CEP63: variants seen among roughly 807,000 people sequenced by gnomAD.
CEP63 encodes centrosomal protein 63.
A neutral mutation model predicts 89.1 loss-of-function variants in CEP63; 84 were observed. The observed-to-expected ratio is 0.94, with a 90% CI of 0.79 to 1.13. The LOEUF is 1.13. Among genes scored for constraint, CEP63 ranks in the 50% most tolerant of loss-of-function variants. The pLI is 0.00. For missense variants in CEP63, 838 were observed against 813.3 expected (o/e 1.03, Z -0.37); for synonymous variants, 267 against 272.5 (o/e 0.98, Z 0.20).
At chr3:134,729,076 G>A in the CEP63 span, among the ~76,000 whole-genome samples, 3 of 151,864 alleles carry the variant, frequency 2.0e-5, no homozygotes, top group East Asian at 1.9e-4. Flanking sequence ...TTTTGTGGTA[G>A]GGTTTATTTT....
chr3:134,650,075 T>C, the CEP63 span, among the ~76,000 whole-genome samples: 8 of 152,342 alleles, frequency 5.3e-5, no homozygotes, highest in Admixed American at 1.3e-4. Flanking sequence ...ATCATCCCTC[T>C]GTACTCCATT....
At chr3:134,648,850 A>G in the CEP63 span, among the ~76,000 whole-genome samples, 4 of 152,208 alleles carry the variant, frequency 2.6e-5, no homozygotes, top group African/African-American at 9.6e-5. Flanking sequence ...CCTCTTTTAT[A>G]TAACCAAGGA....
chr3:134,675,530 AT>A, the CEP63 span, among the ~76,000 whole-genome samples: 2 of 152,212 alleles, frequency 1.3e-5, no homozygotes, highest in African/African-American at 2.4e-5. Context: ...AAATAAATGA[AT>A]TGGACTTTCT....
chr3:134,545,327 C>T (rs1460965098), intron 6 of CEP63, among the ~76,000 whole-genome samples: 6 of 151,912 alleles, frequency 3.9e-5, no homozygotes, highest in Non-Finnish European at 7.4e-5. Context: ...GACAGGGTTT[C>T]GCCATGTTTC....
chr3:134,608,081 C>T, the CEP63 span: 2 of 1,109,442 alleles, frequency 1.8e-6, no homozygotes, highest in Non-Finnish European at 2.2e-6. Flanking sequence ...GGACTGCCCC[C>T]ACCTGTCCTG....
the CEP63 span, among the ~76,000 whole-genome samples, chr3:134,768,453 T>A: frequency 6.6e-6 from 1 of 152,206 alleles, no homozygotes; most frequent in Non-Finnish European, 1.5e-5. Flanking sequence ...GCTTTAACTG[T>A]GACCAGAGGC....
downstream of CEP63, among the ~76,000 whole-genome samples, chr3:134,565,891 T>A (rs1389655879): frequency 6.6e-6 from 1 of 152,114 alleles, no homozygotes; most frequent in Non-Finnish European, 1.5e-5. Context: ...TTTTCATAAC[T>A]GGTAATAATA....
At chr3:134,581,762 G>A (rs1354810745) in intron 10 of CEP63, among the ~76,000 whole-genome samples, 2 of 125,382 alleles carry the variant, frequency 1.6e-5, no homozygotes, top group Non-Finnish European at 3.2e-5. Context: ...TGCAAGCTCC[G>A]CCTCCCGGGT....
intron 1 of CEP63, among the ~76,000 whole-genome samples, chr3:134,493,994 G>T (rs538880499): frequency 6.6e-6 from 1 of 152,088 alleles, no homozygotes; most frequent in Non-Finnish European, 1.5e-5. Context: ...TATAAAAGGC[G>T]AGAAGCATAC....
chr3:134,764,559 G>C, the CEP63 span, among the ~76,000 whole-genome samples: 3 of 152,114 alleles, frequency 2.0e-5, no homozygotes, highest in Admixed American at 1.3e-4. Flanking sequence ...ATCACAATGG[G>C]GCAGTACATA....
the CEP63 span, among the ~76,000 whole-genome samples, chr3:134,691,496 T>C: frequency 1.3e-5 from 2 of 150,842 alleles, no homozygotes; most frequent in Non-Finnish European, 3.0e-5. Context: ...TGTGTGCCTG[T>C]AGTCACAGCT....
the CEP63 span, among the ~76,000 whole-genome samples, chr3:134,774,671 G>C: frequency 6.6e-6 from 1 of 152,254 alleles, no homozygotes; most frequent in Non-Finnish European, 1.5e-5. Flanking sequence ...CTGTGTGAGA[G>C]AGTGTGTGTG....
the CEP63 span, among the ~76,000 whole-genome samples, chr3:134,592,955 C>T: frequency 7.2e-5 from 11 of 152,110 alleles, no homozygotes; most frequent in African/African-American, 2.7e-4. Flanking sequence ...TGATTCCGGG[C>T]TCCCACTACA....
intron 2 of CEP63, among the ~76,000 whole-genome samples, chr3:134,504,058 C>G (rs1183264451): frequency 6.6e-6 from 1 of 150,870 alleles, no homozygotes; most frequent in African/African-American, 2.4e-5. Context: ...TCTTGTATAT[C>G]CTTTGTTCCT....
the CEP63 span, among the ~76,000 whole-genome samples, chr3:134,733,138 T>G: frequency 6.6e-6 from 1 of 152,258 alleles, no homozygotes. Flanking sequence ...AAGCTTGTCT[T>G]CCCTTGGTTT....
the CEP63 span, among the ~76,000 whole-genome samples, chr3:134,738,965 A>AT: frequency 1.5e-5 from 1 of 65,514 alleles, no homozygotes; most frequent in South Asian, 7.3e-4. Flanking sequence ...GATGGCTATA[A>AT]TAAAAAAAAA....
At chr3:134,539,868 G>T (rs1023046198) in intron 6 of CEP63, among the ~76,000 whole-genome samples, 4 of 152,074 alleles carry the variant, frequency 2.6e-5, no homozygotes, top group African/African-American at 9.7e-5. Flanking sequence ...CGGATAAAAT[G>T]AGAAATAAAT....
chr3:134,653,132 C>T, the CEP63 span, among the ~76,000 whole-genome samples: 1 of 152,214 alleles, frequency 6.6e-6, no homozygotes, highest in African/African-American at 2.4e-5. Context: ...CTGAAGACAG[C>T]TTCGGAGCAG....
the CEP63 span, among the ~76,000 whole-genome samples, chr3:134,745,365 A>G: frequency 1.3e-5 from 2 of 152,182 alleles, no homozygotes; most frequent in Non-Finnish European, 2.9e-5. Context: ...ATCTTGTATG[A>G]TTATCTGAAA....
Sources: gnomAD v4.1 joint callset for allele counts (sites outside exome capture counted in the v4.1 genomes callset) on GRCh38, gnomAD v4.1.1 for gene constraint, MANE v1.5 for transcripts, NCBI Gene and HGNC (gene_info 2026-07-23, HGNC 2026-07-21) for gene names.